Variants in CDK14 observed in about 807,000 individuals in gnomAD.
The protein encoded by CDK14 is cyclin dependent kinase 14, also known as cyclin-dependent kinase 14.
Under a neutral mutation model 60.7 loss-of-function variants are expected in CDK14, and 34 were observed. That is an observed-to-expected ratio of 0.56 (90% CI 0.43 to 0.75). The LOEUF (loss-of-function observed/expected upper bound fraction) is 0.75. CDK14 is among the 30% of genes least tolerant of loss of function. The probability of loss-of-function intolerance (pLI) is 0.00; values close to 1 mark genes in which losing one functional copy is unlikely to be tolerated. For synonymous variants in CDK14, 197 were observed against 203.7 expected (o/e 0.97, Z 0.28); for missense variants, 482 against 564.1 (o/e 0.85, Z 1.47).
chr7:91,091,648 G>A (rs1474018362), intron 12 of CDK14, among the ~76,000 whole-genome samples: 2 of 148,968 alleles, frequency 1.3e-5, no homozygotes, highest in East Asian at 2.0e-4. Flanking sequence ...TAGCCTGGGC[G>A]ACAGAGCAAA....
At chr7:90,868,096 C>G (rs999209695) in intron 6 of CDK14, among the ~76,000 whole-genome samples, 1 of 152,100 alleles carries the variant, frequency 6.6e-6, no homozygotes, top group South Asian at 2.1e-4. Flanking sequence ...TACCACTAGA[C>G]TGGACTCTGG....
chr7:91,080,448 C>T lies in CDK14; in HGVS notation c.1154+968C>T, dbSNP rs374710325. On this transcript the variant is annotated intron_variant, in intron 12 of 14. Coordinates refer to ENST00000380050, the MANE Select transcript of CDK14 (RefSeq NM_001287135.2). ...ATTTATTTTTATTAAATTTGTACCT[C>T]GAATAACACATAGGTATAATCATTT... 4.6e-5 allele frequency among the ~76,000 whole-genome samples: 7 copies of T among 152,206 alleles called. No individual in the cohort carries two copies. In the East Asian group the frequency reaches 9.7e-4, roughly 21 times the overall value.
chr7:91,165,937 T>G (rs1801332627), intron 14 of CDK14, among the ~76,000 whole-genome samples: 1 of 152,246 alleles, frequency 6.6e-6, no homozygotes, highest in Non-Finnish European at 1.5e-5. Flanking sequence ...ATTAGTGATT[T>G]GTAGGCTTGG....
At chr7:90,727,480 A>T (rs535808300) in intron 3 of CDK14, among the ~76,000 whole-genome samples, 1 of 152,300 alleles carries the variant, frequency 6.6e-6, no homozygotes, top group African/African-American at 2.4e-5. Context: ...ATTCTCTGTT[A>T]TATTTCTATT....
intron 6 of CDK14, among the ~76,000 whole-genome samples, chr7:90,863,560 G>T (rs1210367834): frequency 6.6e-6 from 1 of 151,978 alleles, no homozygotes; most frequent in East Asian, 1.9e-4. Context: ...TATTACATAG[G>T]ATTCAACAGC....
intron 8 of CDK14, among the ~76,000 whole-genome samples, chr7:90,924,509 C>T (rs1197082094): frequency 6.6e-6 from 1 of 152,192 alleles, no homozygotes; most frequent in Non-Finnish European, 1.5e-5. Context: ...TTCTAAAAAG[C>T]TCATGTTAAA....
chr7:91,185,989 T>C (rs1802166022), intron 14 of CDK14, among the ~76,000 whole-genome samples: 1 of 152,132 alleles, frequency 6.6e-6, no homozygotes, highest in Admixed American at 6.5e-5. Flanking sequence ...TTCATATAAA[T>C]GGAATCATGC....
chr7:91,139,323 G>A (rs577963674), intron 14 of CDK14, among the ~76,000 whole-genome samples: 1 of 139,960 alleles, frequency 7.1e-6, no homozygotes, highest in South Asian at 2.1e-4. Context: ...ATCACATGTA[G>A]TAAAAATAAT....
chr7:90,784,469 A>G (rs1258364741), intron 4 of CDK14, among the ~76,000 whole-genome samples: 2 of 152,242 alleles, frequency 1.3e-5, no homozygotes, highest in East Asian at 1.9e-4. Context: ...GGATGCCTCA[A>G]TTACCATAAT....
intron 3 of CDK14, 44 bp from the exon 4 acceptor site, chr7:90,747,637 A>T: frequency 1.8e-6 from 2 of 1,114,476 alleles, no homozygotes; most frequent in Non-Finnish European, 2.6e-6. Context: ...GTTGTTAATT[A>T]ATTTGATACA....
At chr7:90,895,977 A>G (rs1197324903) in intron 6 of CDK14, among the ~76,000 whole-genome samples, 1 of 151,958 alleles carries the variant, frequency 6.6e-6, no homozygotes, top group South Asian at 2.1e-4. Flanking sequence ...TAGGCTTTTC[A>G]TAGAAGTGGG....
intron 5 of CDK14, among the ~76,000 whole-genome samples, chr7:90,808,410 A>C (rs1788948554): frequency 6.6e-6 from 1 of 152,226 alleles, no homozygotes; most frequent in Admixed American, 6.5e-5. Flanking sequence ...CAGAAAGGCA[A>C]ATGCTGAGAG....
chr7:90,906,542 T>A (rs1792711813), intron 7 of CDK14, among the ~76,000 whole-genome samples: 1 of 151,672 alleles, frequency 6.6e-6, no homozygotes, highest in Non-Finnish European at 1.5e-5. Context: ...TGACTTTTAG[T>A]TTCATCATTC....
intron 11 of CDK14, among the ~76,000 whole-genome samples, chr7:91,051,364 A>C (rs140857510): frequency 6.6e-6 from 1 of 152,182 alleles, no homozygotes; most frequent in African/African-American, 2.4e-5. Flanking sequence ...TCCATCATTT[A>C]CTTCTATTTA....
At chr7:90,968,127 C>G (rs1273792084) in intron 9 of CDK14, among the ~76,000 whole-genome samples, 2 of 152,094 alleles carry the variant, frequency 1.3e-5, no homozygotes, top group African/African-American at 4.8e-5. Context: ...GTATGAATTA[C>G]TATAAGTTAA....
At chr7:90,647,911 A>T (rs1584766711) in intron 2 of CDK14, among the ~76,000 whole-genome samples, 1 of 152,206 alleles carries the variant, frequency 6.6e-6, no homozygotes, top group Admixed American at 6.5e-5. Flanking sequence ...AGATTGTTTC[A>T]GGTCCAGTCA....
intron 2 of CDK14, among the ~76,000 whole-genome samples, chr7:90,635,675 T>G (rs960787076): frequency 5.3e-5 from 8 of 152,228 alleles, no homozygotes; most frequent in Admixed American, 4.6e-4. Flanking sequence ...GTGAAGAAAG[T>G]CATTGGTAGC....
At chr7:90,620,035 TA>T (rs1214982955) in intron 2 of CDK14, among the ~76,000 whole-genome samples, 1 of 151,728 alleles carries the variant, frequency 6.6e-6, no homozygotes, top group Non-Finnish European at 1.5e-5. Context: ...TATGACTCTT[TA>T]TTCATGATCT....
In CDK14 at chr7:90,937,192, T is replaced by C. The variant is rs551900148; in HGVS notation, c.827-18505T>C. ...TTCTCAAATTCTACATTGTTGTGTA[T>C]TGTATGATATATATGGTAAACTGTA... On this transcript the variant is annotated intron_variant, in intron 8 of 14. Transcript: ENST00000380050. 3.3e-4 allele frequency among the ~76,000 whole-genome samples: 51 copies of C among 152,344 alleles called. No individual in the cohort carries two copies. The South Asian group carries it at 0.011, about 32-fold the overall frequency.
Sources: gnomAD v4.1 joint callset for allele counts (sites outside exome capture counted in the v4.1 genomes callset) on GRCh38, gnomAD v4.1.1 for gene constraint, MANE v1.5 for transcripts, NCBI Gene and HGNC (gene_info 2026-07-23, HGNC 2026-07-21) for gene names.